The following MEGF10 variants were observed in gnomAD, a reference collection of about 807,000 sequenced individuals.
MEGF10 encodes the protein multiple EGF like domains 10.
In MEGF10, 86 loss-of-function variants were observed where a neutral mutation model predicts 147.5. The ratio of observed to expected loss-of-function variants is 0.58; its 90% CI spans 0.49 to 0.70. The LOEUF (loss-of-function observed/expected upper bound fraction) is 0.70, where lower values mean the gene tolerates loss of function less well. Among genes scored for constraint, MEGF10 ranks in the 30% least tolerant of loss-of-function variants. The probability of loss-of-function intolerance (pLI) is 0.00; values close to 1 mark genes in which losing one functional copy is unlikely to be tolerated. For synonymous variants in MEGF10, 478 were observed against 525.5 expected, an observed-to-expected ratio of 0.91 and a Z score of 1.24; for missense variants, 1,329 against 1,487.3, an observed-to-expected ratio of 0.89 and a Z score of 1.75.
At chr5:127,431,724 G>A (rs1765392204) in intron 13 of MEGF10, among the ~76,000 whole-genome samples, 1 of 152,186 alleles carries the variant, frequency 6.6e-6, no homozygotes. Context: ...ACCTGAATTT[G>A]AACTGAGAGC....
chr5:127,363,468 G>C (rs1053383228), intron 4 of MEGF10, among the ~76,000 whole-genome samples: 2 of 152,092 alleles, frequency 1.3e-5, no homozygotes, highest in Non-Finnish European at 2.9e-5. Flanking sequence ...TCTTCACACC[G>C]GGCAGCAGGA....
intron 4 of MEGF10, among the ~76,000 whole-genome samples, chr5:127,360,181 ATGT>A (rs1366180979): frequency 6.6e-6 from 1 of 152,024 alleles, no homozygotes; most frequent in Non-Finnish European, 1.5e-5. Context: ...TCTCTCAACA[ATGT>A]TGTTTGTTTT....
intron 12 of MEGF10, 74 bp from the exon 13 acceptor site, chr5:127,422,596 C>A: frequency 1.8e-6 from 2 of 1,097,890 alleles, no homozygotes; most frequent in Non-Finnish European, 2.8e-6. Context: ...AAATGGCTGA[C>A]AGTGGCCTTT....
chr5:127,317,493 G>T (rs1760606121), intron 1 of MEGF10, among the ~76,000 whole-genome samples: 1 of 152,088 alleles, frequency 6.6e-6, no homozygotes, highest in African/African-American at 2.4e-5. Context: ...TTTTTTATAA[G>T]GTGTAAGGAA....
chr5:127,440,811 AC>A lies in MEGF10; in HGVS notation c.2307del (p.His769GlnfsTer37). On this transcript the variant is annotated frameshift_variant, in exon 18 of 25. Transcript: ENST00000503335. LOFTEE classifies it high-confidence loss of function. The stretch of plus-strand genomic sequence containing the variant: ...TGTCAAAACGGAGCTGACTGCGACC[AC>A]ATTTCTGGGCAGTGTACTTGCCGCA... ...CQCQNGADCDHISGQCTCRTG... is the reference protein window; with the variant it reads ...CQCQNGADCDXISGQCTCRTG... 1 of 1,614,142 alleles carries A rather than the reference AC, an allele frequency of 6.2e-7. No individual in the cohort carries two copies. The highest frequency in any genetic ancestry group is 8.5e-7 in the Non-Finnish European group (1 of 1,179,998).
At chr5:127,263,903 G>A in the MEGF10 span, among the ~76,000 whole-genome samples, 1 of 152,128 alleles carries the variant, frequency 6.6e-6, no homozygotes, top group Non-Finnish European at 1.5e-5. Context: ...ACCAGAGCCT[G>A]CACAATGTAA....
At chr5:127,302,570 G>C (rs1224274202) in intron 1 of MEGF10, among the ~76,000 whole-genome samples, 1 of 152,182 alleles carries the variant, frequency 6.6e-6, no homozygotes, top group Non-Finnish European at 1.5e-5. Flanking sequence ...TTGCACAACA[G>C]GGTTAAAATG....
chr5:127,314,212 C>A (rs1306853477), intron 1 of MEGF10, among the ~76,000 whole-genome samples: 2 of 152,200 alleles, frequency 1.3e-5, no homozygotes, highest in African/African-American at 4.8e-5. Context: ...TCTCTTGACT[C>A]TCCTCAAGTG....
At chr5:127,443,804 G>A (rs908228072) in intron 19 of MEGF10, among the ~76,000 whole-genome samples, 17 of 152,130 alleles carry the variant, frequency 1.1e-4, no homozygotes, top group Non-Finnish European at 2.9e-5. Context: ...TCCATTGTAT[G>A]GATATACTAT....
intron 5 of MEGF10, among the ~76,000 whole-genome samples, chr5:127,393,858 G>A (rs559569703): frequency 6.7e-6 from 1 of 149,236 alleles, no homozygotes; most frequent in South Asian, 2.1e-4. Flanking sequence ...AAACAGAGCT[G>A]GTGTCTGCCT....
At chr5:127,263,377 T>G in the MEGF10 span, among the ~76,000 whole-genome samples, 1 of 152,108 alleles carries the variant, frequency 6.6e-6, no homozygotes, top group Non-Finnish European at 1.5e-5. Context: ...GCCTTTGCTA[T>G]AGATTTCCAG....
At chr5:127,294,311 C>T (rs1380632047) in intron 1 of MEGF10, among the ~76,000 whole-genome samples, 1 of 152,180 alleles carries the variant, frequency 6.6e-6, no homozygotes, top group Non-Finnish European at 1.5e-5. Context: ...ATTGTAAGCT[C>T]TTATACAAGT....
At chr5:127,418,832 T>G (rs1212724884) in intron 10 of MEGF10, among the ~76,000 whole-genome samples, 1 of 149,528 alleles carries the variant, frequency 6.7e-6, no homozygotes, top group Non-Finnish European at 1.5e-5. Flanking sequence ...TGAAAAAGGG[T>G]TTTTATTGTT....
At chr5:127,304,030 C>G (rs80213922) in intron 1 of MEGF10, among the ~76,000 whole-genome samples, 2,752 of 152,294 alleles carry the variant, frequency 0.018, 74 homozygotes, top group East Asian at 0.11. Flanking sequence ...TTGTCTAGGT[C>G]ACTTCTGTTT....
At chr5:127,449,293 G>A in intron 22 of MEGF10, 71 bp downstream of exon 22, 1 of 1,586,256 alleles carries the variant, frequency 6.3e-7, no homozygotes, top group Non-Finnish European at 8.6e-7. Context: ...ACGGATCTCT[G>A]TTTGTGCCAA....
In MEGF10 at chr5:127,356,425, AGCT is replaced by A. The variant is rs751731302; in HGVS notation, c.320-13484_320-13482del. Among the ~76,000 whole-genome samples, 24 of 152,300 alleles carry A rather than the reference AGCT, an allele frequency of 1.6e-4. No individual in the cohort carries two copies. The South Asian group carries it at 2.9e-3, about 18-fold the overall frequency. On this transcript the variant is annotated intron_variant, in intron 4 of 24. Coordinates refer to ENST00000503335, the MANE Select transcript of MEGF10 (RefSeq NM_001256545.2). Reference sequence around the variant, plus strand: ...AAAAAAGGCTGGAAAAAAATCAGAGAGCTCCAAGAGAGTTAAGACAGAGAAACT... The same window carrying A: ...AAAAAAGGCTGGAAAAAAATCAGAGACCAAGAGAGTTAAGACAGAGAAACT...
Position 127,298,527 on chromosome 5 carries a change from T to G in MEGF10, c.-19+7471T>G, listed in dbSNP as rs535152376. 1.1e-4 allele frequency among the ~76,000 whole-genome samples: 16 copies of G among 152,308 alleles called. No homozygotes were observed. The South Asian group carries it at 2.1e-3, about 20-fold the overall frequency. On this transcript the variant is annotated intron_variant, in intron 1 of 24. Coordinates refer to ENST00000503335, the MANE Select transcript of MEGF10 (RefSeq NM_001256545.2). Reference sequence around the variant, plus strand: ...ACGAGAATCACCTGCAGATACTGGCTCCTCCCTAGATTTTGATTCGGTAGG... The same window carrying G: ...ACGAGAATCACCTGCAGATACTGGCGCCTCCCTAGATTTTGATTCGGTAGG...
chr5:127,376,434 G>A (rs1763029553), intron 5 of MEGF10, among the ~76,000 whole-genome samples: 1 of 152,140 alleles, frequency 6.6e-6, no homozygotes, highest in South Asian at 2.1e-4. Flanking sequence ...CACTGACAGA[G>A]AGATTAGTAA....
chr5:127,309,108 C>T (rs1760145958), intron 1 of MEGF10, among the ~76,000 whole-genome samples: 1 of 152,124 alleles, frequency 6.6e-6, no homozygotes. Context: ...CTAGCAACTG[C>T]ATTACCAGTC....
Sources: gnomAD v4.1 joint callset for allele counts (sites outside exome capture counted in the v4.1 genomes callset) on GRCh38, gnomAD v4.1.1 for gene constraint, MANE v1.5 for transcripts, NCBI Gene and HGNC (gene_info 2026-07-23, HGNC 2026-07-21) for gene names.